Variants in UNC13C observed in about 807,000 individuals in gnomAD.
The protein encoded by UNC13C is unc-13 homolog C.
Under a neutral mutation model 245.4 loss-of-function variants are expected in UNC13C, and 174 were observed. That is an observed-to-expected ratio of 0.71 (90% CI 0.63 to 0.80). UNC13C has a LOEUF of 0.80. Ranked by LOEUF, UNC13C falls within the 30% of genes least tolerant of loss-of-function variation. The probability of loss-of-function intolerance (pLI) is 0.00; values close to 1 mark genes in which losing one functional copy is unlikely to be tolerated. For synonymous variants in UNC13C, 992 were observed against 895.1 expected, an observed-to-expected ratio of 1.11 and a Z score of -1.93; for missense variants, 2,829 against 2,602.9, an observed-to-expected ratio of 1.09 and a Z score of -1.89.
chr15:54,459,381 A>T (rs1388133232), intron 19 of UNC13C, among the ~76,000 whole-genome samples: 1 of 152,050 alleles, frequency 6.6e-6, no homozygotes, highest in Non-Finnish European at 1.5e-5. Context: ...CTAGGTGATG[A>T]CCTTTTTGTG....
chr15:54,194,364 C>A (rs930140608), intron 4 of UNC13C, among the ~76,000 whole-genome samples: 14 of 152,102 alleles, frequency 9.2e-5, no homozygotes, highest in Non-Finnish European at 2.1e-4. Flanking sequence ...TGTGTGGTAA[C>A]AATAACATCC....
chr15:54,452,279 A>G (rs1346911422), intron 19 of UNC13C, among the ~76,000 whole-genome samples: 1 of 152,168 alleles, frequency 6.6e-6, no homozygotes, highest in Admixed American at 6.5e-5. Flanking sequence ...CAGCAGTGGC[A>G]GCAGTGGGTC....
At chr15:54,198,537 A>G (rs1245683401) in intron 4 of UNC13C, among the ~76,000 whole-genome samples, 1 of 152,134 alleles carries the variant, frequency 6.6e-6, no homozygotes, top group African/African-American at 2.4e-5. Flanking sequence ...ATCACAGGAC[A>G]CTTTGCTGAC....
At chr15:54,238,317 C>T (rs924124587) in intron 7 of UNC13C, among the ~76,000 whole-genome samples, 1 of 152,072 alleles carries the variant, frequency 6.6e-6, no homozygotes, top group Non-Finnish European at 1.5e-5. Context: ...TCATGATCTG[C>T]CTGCCTTGGC....
At chr15:54,288,322 T>G (rs766250901) in intron 10 of UNC13C, among the ~76,000 whole-genome samples, 1 of 152,100 alleles carries the variant, frequency 6.6e-6, no homozygotes, top group Non-Finnish European at 1.5e-5. Flanking sequence ...TCTTTGCTCA[T>G]TTTATCAGTG....
chr15:54,035,227 T>C (rs1292114439), intron 2 of UNC13C, among the ~76,000 whole-genome samples: 1 of 152,166 alleles, frequency 6.6e-6, no homozygotes, highest in Non-Finnish European at 1.5e-5. Flanking sequence ...ACTTTCATTA[T>C]AAAAAATGAG....
rs771006814 is a variant in UNC13C, at chr15:54,294,049, G to A, written c.3973G>A (p.Val1325Ile). 3.9e-6 allele frequency: 6 copies of A among 1,553,114 alleles called. No individual in the cohort carries two copies. The highest frequency in any genetic ancestry group is 4.3e-6 in the Non-Finnish European group (5 of 1,156,414). The change falls in exon 11 of 33, where the codon GTC (valine) becomes ATC (isoleucine). Residue 1325 changes from valine (V) to isoleucine (I), a missense_variant. By Grantham distance (29) the Val-to-Ile change is conservative. Transcript: ENST00000260323. ...GAGGACCTTGAGTGGAGAAATGGAT[G>A]TCTGGTACAACTTAGGTGATTTTTT... ...EVRTLSGEMD[V>I]WYNLEKRTDK...
At chr15:54,231,073 A>T (rs1267983074) in intron 4 of UNC13C, among the ~76,000 whole-genome samples, 1 of 152,008 alleles carries the variant, frequency 6.6e-6, no homozygotes, top group African/African-American at 2.4e-5. Flanking sequence ...TAAGAAGAAC[A>T]CTTGAATACT....
chr15:53,876,692 G>A, the UNC13C span, among the ~76,000 whole-genome samples: 1 of 151,816 alleles, frequency 6.6e-6, no homozygotes, highest in Non-Finnish European at 1.5e-5. Context: ...TTCAAAATGA[G>A]GGCCACAAAG....
intron 2 of UNC13C, among the ~76,000 whole-genome samples, chr15:54,028,705 T>TTTTTG (rs1555405205): frequency 3.4e-5 from 5 of 147,474 alleles, no homozygotes; most frequent in East Asian, 2.0e-4. Flanking sequence ...TTTTTTTTTT[T>TTTTTG]GAGACGGAGT....
At chr15:54,591,697 C>T (rs1355079627) in intron 30 of UNC13C, among the ~76,000 whole-genome samples, 4 of 152,014 alleles carry the variant, frequency 2.6e-5, no homozygotes, top group African/African-American at 7.2e-5. Context: ...GTTAATCTTG[C>T]TAATAGTCCA....
At chr15:54,376,564 A>C (rs1321965208) in intron 17 of UNC13C, among the ~76,000 whole-genome samples, 2 of 152,222 alleles carry the variant, frequency 1.3e-5, no homozygotes, top group East Asian at 1.9e-4. Flanking sequence ...ATACTCAAGT[A>C]GTCTTCCTGT....
At chr15:54,193,111 C>T (rs1424746957) in intron 4 of UNC13C, among the ~76,000 whole-genome samples, 1 of 152,118 alleles carries the variant, frequency 6.6e-6, no homozygotes, top group African/African-American at 2.4e-5. Flanking sequence ...CAGGTATTCA[C>T]AAAGTTGTTT....
Position 54,338,466 on chromosome 15 carries a change from C to A in UNC13C, c.4690C>A (p.Leu1564Ile). 6.2e-7 allele frequency: 1 copy of A among 1,613,376 alleles called. No individual in the cohort carries two copies. The highest frequency in any genetic ancestry group is 8.5e-7 in the Non-Finnish European group (1 of 1,179,422). ...YKYIFDNCHE[L>I]YSQLTDPSKK... Reference sequence around the variant, plus strand: ...GTATATTTTTGACAACTGCCATGAACTCTACTCCCAGCTAACAGACCCGGT... The same window carrying A: ...GTATATTTTTGACAACTGCCATGAAATCTACTCCCAGCTAACAGACCCGGT... The change falls in exon 17 of 33, where the codon CTC (leucine) becomes ATC (isoleucine). Residue 1564 changes from leucine to isoleucine, a missense_variant. Leu to Ile is a conservative substitution (Grantham distance 5). Transcript: ENST00000260323.
intron 4 of UNC13C, 40 bp from the exon 5 acceptor site, chr15:54,234,989 AT>A (rs2035652084): frequency 2.6e-6 from 4 of 1,567,882 alleles, no homozygotes; most frequent in Non-Finnish European, 3.5e-6. Context: ...ACAAGAAGTC[AT>A]TTTACCCATT....
At chr15:53,910,357 T>G in the UNC13C span, among the ~76,000 whole-genome samples, 1 of 146,156 alleles carries the variant, frequency 6.8e-6, no homozygotes, top group African/African-American at 2.4e-5. Flanking sequence ...CAGGCCTGCA[T>G]GACTCACTGA....
intron 29 of UNC13C, among the ~76,000 whole-genome samples, chr15:54,565,523 AAG>A (rs934169930): frequency 1.3e-5 from 2 of 152,020 alleles, no homozygotes; most frequent in African/African-American, 2.4e-5. Flanking sequence ...CAGTTTTTAA[AAG>A]AGAGTATAAT....
intron 29 of UNC13C, 105 bp from the exon 30 acceptor site, chr15:54,567,695 T>A (rs1897574206): frequency 1.8e-6 from 2 of 1,081,924 alleles, no homozygotes; most frequent in Non-Finnish European, 2.5e-6. Flanking sequence ...GTATCTTGCA[T>A]TGATCAAATT....
chr15:53,901,967 A>G, the UNC13C span, among the ~76,000 whole-genome samples: 30 of 152,216 alleles, frequency 2.0e-4, no homozygotes, highest in African/African-American at 7.2e-4. Flanking sequence ...TTAAGTTATT[A>G]CCCATTTCCA....
Sources: allele counts gnomAD v4.1 joint callset (sites outside exome capture counted in the v4.1 genomes callset), GRCh38; gene constraint gnomAD v4.1.1; transcripts MANE v1.5; gene names NCBI Gene and HGNC (gene_info 2026-07-23, HGNC 2026-07-21).